ICAM2: variants seen among roughly 807,000 people sequenced by gnomAD.
ICAM2 encodes the protein ICAM-2.
Under a neutral mutation model 19.1 loss-of-function variants are expected in ICAM2, and 14 were observed. The observed-to-expected ratio is 0.73, with a 90% confidence interval of 0.48 to 1.15. The LOEUF is 1.15. Ranked by LOEUF, ICAM2 falls within the 50% of genes most tolerant of loss-of-function variation. The pLI, the probability that ICAM2 is intolerant of heterozygous loss-of-function variation, is 0.00. For synonymous variants in ICAM2, 153 were observed against 152.7 expected, an observed-to-expected ratio of 1.00 and a Z score of -0.01; for missense variants, 311 against 355.4, an observed-to-expected ratio of 0.88 and a Z score of 1.00.
rs752562997 is a variant in ICAM2, at chr17:64,002,916, G to C, written c.659C>G (p.Ser220Trp). ...GACTATGATGACCATCTGGCTGTCC[G>C]ACACAGGCTCTGGGGAGGGAGGGGG... ...PKMLEIYEPV[S>W]DSQMVIIVTV... Residue 220 changes from serine to tryptophan, a missense_variant, in exon 5 of 5, where the codon TCG becomes TGG. By Grantham distance (177) the Ser-to-Trp change is radical. Coordinates refer to ENST00000579788, the MANE Select transcript of ICAM2 (RefSeq NM_001099789.2). The C allele has an allele frequency of 6.2e-7, 1 of 1,613,330 alleles. No individual in the cohort carries two copies. The highest frequency in any genetic ancestry group is 1.1e-5 in the South Asian group (1 of 91,020).
At chr17:64,008,078 G>A (rs1452848632) in intron 1 of ICAM2, among the ~76,000 whole-genome samples, 2 of 152,206 alleles carry the variant, frequency 1.3e-5, no homozygotes, top group African/African-American at 2.4e-5. Context: ...GTGAGGTCCT[G>A]CCCTTCCCTC....
Position 64,007,063 on chromosome 17 carries a change from T to G in ICAM2, c.-44-328A>C, listed in dbSNP as rs556001087. 5.4e-5 allele frequency: 12 copies of G among 221,986 alleles called. No individual in the cohort carries two copies. The South Asian group carries it at 1.1e-3, about 20-fold the overall frequency. The allele number at this position is 221,986 out of a possible 1,614,324, so 13.8% of individuals were successfully genotyped here. On this transcript the variant is annotated intron_variant, in intron 1 of 4. Transcript: ENST00000579788. ...CTGGGGAACCCCAAATCCCATGGGA[T>G]GCATTGTTGGAGTCATGCCTGGGAG... is the stretch of plus-strand genomic sequence containing the variant.
At chr17:64,019,621 C>T (rs946372965) in intron 1 of ICAM2, among the ~76,000 whole-genome samples, 3 of 151,888 alleles carry the variant, frequency 2.0e-5, no homozygotes, top group Non-Finnish European at 4.4e-5. Context: ...CGAGACTCTC[C>T]TGGCCAACAT....
intron 1 of ICAM2, among the ~76,000 whole-genome samples, chr17:64,014,341 A>AGGAG (rs1911574188): frequency 2.2e-5 from 1 of 45,112 alleles, no homozygotes; most frequent in Non-Finnish European, 4.9e-5. Context: ...GAAAGAAAGA[A>AGGAG]AGAAAGAAAG....
At chr17:64,009,408 C>G (rs1911353116) in intron 1 of ICAM2, among the ~76,000 whole-genome samples, 4 of 151,718 alleles carry the variant, frequency 2.6e-5, no homozygotes, top group Admixed American at 2.6e-4. Context: ...AATCATGGTA[C>G]CTTACTCCTT....
chr17:64,013,408 G>A (rs1036123568), intron 1 of ICAM2, among the ~76,000 whole-genome samples: 1 of 152,142 alleles, frequency 6.6e-6, no homozygotes, highest in African/African-American at 2.4e-5. Context: ...GGCTGAGGTG[G>A]GAGGATTGTT....
At chr17:64,003,155 C>T in intron 4 of ICAM2, 2 of 540,886 alleles carry the variant, frequency 3.7e-6, no homozygotes, top group East Asian at 6.1e-5. Flanking sequence ...TTCTGTGTGG[C>T]TGTGAGGGCA....
At chr17:64,003,351 T>A in intron 4 of ICAM2, 1 of 479,996 alleles carries the variant, frequency 2.1e-6, no homozygotes, top group East Asian at 3.9e-5. Flanking sequence ...GTGGGGGCAG[T>A]CAGGCCAAAC....
intron 3 of ICAM2, 80 bp downstream of exon 3, chr17:64,005,027 C>G: frequency 6.6e-7 from 1 of 1,518,214 alleles, no homozygotes; most frequent in East Asian, 2.3e-5. Context: ...CAGGAGCAGG[C>G]ACAGAGGGGC....
At chr17:64,016,060 T>C (rs1911707341) in intron 1 of ICAM2, among the ~76,000 whole-genome samples, 1 of 152,136 alleles carries the variant, frequency 6.6e-6, no homozygotes, top group South Asian at 2.1e-4. Context: ...CATTAACTCT[T>C]TCCATGAGGC....
chr17:64,019,904 G>A (rs1442778846), intron 1 of ICAM2, among the ~76,000 whole-genome samples: 1 of 151,554 alleles, frequency 6.6e-6, no homozygotes, highest in Non-Finnish European at 1.5e-5. Context: ...AGCTTCAGGT[G>A]TGTTTGGTAT....
chr17:64,019,429 G>A (rs1353708794), intron 1 of ICAM2, among the ~76,000 whole-genome samples: 1 of 144,434 alleles, frequency 6.9e-6, no homozygotes, highest in Middle Eastern at 3.4e-3. Flanking sequence ...AAATAGAGAT[G>A]CATATGTAAT....
At chr17:64,011,018 GA>G (rs200478231) in intron 1 of ICAM2, among the ~76,000 whole-genome samples, 6 of 149,408 alleles carry the variant, frequency 4.0e-5, no homozygotes, top group Admixed American at 6.7e-5. Flanking sequence ...TCAATAGCAA[GA>G]AAAAAAAACA....
At chr17:64,004,915 T>G in intron 3 of ICAM2, 192 bp downstream of exon 3, 1 of 637,992 alleles carries the variant, frequency 1.6e-6, no homozygotes, top group Non-Finnish European at 2.8e-6. Context: ...GTCTGCGTCT[T>G]GAGATGCCAG....
Position 64,013,355 on chromosome 17 carries a change from G to A in ICAM2, c.-44-6620C>T, listed in dbSNP as rs570375289. ...AAAACAAATACAAATACAAAAATTA[G>A]CCAGGTGTGGTGATGTGTGCCTGTA... is the stretch of plus-strand genomic sequence containing the variant. On this transcript the variant is annotated intron_variant, in intron 1 of 4. Transcript: ENST00000579788. Among the ~76,000 whole-genome samples, 10 of 152,186 alleles carry A rather than the reference G, an allele frequency of 6.6e-5. No individual in the cohort carries two copies. The South Asian group carries it at 2.1e-3, about 32-fold the overall frequency.
chr17:64,004,952 T>C (rs1485827109), intron 3 of ICAM2, 155 bp downstream of exon 3: 1 of 815,058 alleles, frequency 1.2e-6, no homozygotes, highest in Admixed American at 2.1e-5. Flanking sequence ...AACCAAGGGC[T>C]GGCCTGGTCC....
chr17:64,007,374 T>C (rs943484927), intron 1 of ICAM2, among the ~76,000 whole-genome samples: 2 of 152,128 alleles, frequency 1.3e-5, no homozygotes, highest in African/African-American at 4.8e-5. Flanking sequence ...GCAATTCTCC[T>C]GCCTCAGCCT....
intron 1 of ICAM2, among the ~76,000 whole-genome samples, chr17:64,016,425 C>G (rs748891691): frequency 3.9e-4 from 59 of 152,206 alleles, no homozygotes; most frequent in Non-Finnish European, 7.9e-4. Flanking sequence ...CCACCTACCC[C>G]CAAACTTATA....
At chr17:64,017,114 G>A (rs1475648079) in intron 1 of ICAM2, among the ~76,000 whole-genome samples, 1 of 152,014 alleles carries the variant, frequency 6.6e-6, no homozygotes, top group Admixed American at 6.6e-5. Context: ...TTGTACCAAA[G>A]GTCTTACACA....
Sources: gnomAD v4.1 joint callset for allele counts (sites outside exome capture counted in the v4.1 genomes callset) on GRCh38, gnomAD v4.1.1 for gene constraint, MANE v1.5 for transcripts, NCBI Gene and HGNC (gene_info 2026-07-23, HGNC 2026-07-21) for gene names.